The following FAT4 variants were observed in gnomAD, a reference collection of about 807,000 sequenced individuals.
FAT4 encodes FAT atypical cadherin 4.
A neutral mutation model predicts 303.9 loss-of-function variants in FAT4; 84 were observed. That is an observed-to-expected ratio of 0.28 (90% CI 0.23 to 0.33). The LOEUF (loss-of-function observed/expected upper bound fraction) is 0.33, where lower values mean the gene tolerates loss of function less well. Ranked by LOEUF, FAT4 falls within the 10% of genes least tolerant of loss-of-function variation. The pLI is 1.00. For synonymous variants in FAT4, 2,307 were observed against 2,298.8 expected, an observed-to-expected ratio of 1.00 and a Z score of -0.10; for missense variants, 6,005 against 6,146.8, an observed-to-expected ratio of 0.98 and a Z score of 0.77.
intron 2 of FAT4, among the ~76,000 whole-genome samples, chr4:125,392,581 T>C (rs1734014505): frequency 6.6e-6 from 1 of 152,194 alleles, no homozygotes; most frequent in Admixed American, 6.6e-5. Context: ...AGAATTTAAC[T>C]ATAGTTTCTT....
At chr4:125,411,452 A>G (rs1734837339) in intron 5 of FAT4, among the ~76,000 whole-genome samples, 1 of 151,858 alleles carries the variant, frequency 6.6e-6, no homozygotes, top group African/African-American at 2.4e-5. Flanking sequence ...TAATAATACA[A>G]TTGGAATTTT....
chr4:125,413,154 A>G (rs1734910716), intron 5 of FAT4, among the ~76,000 whole-genome samples: 1 of 151,748 alleles, frequency 6.6e-6, no homozygotes, highest in African/African-American at 2.4e-5. Context: ...GAAAGTCCTA[A>G]AAGCTTTATA....
chr4:125,434,742 C>T (rs527444359), intron 8 of FAT4, among the ~76,000 whole-genome samples: 1 of 152,308 alleles, frequency 6.6e-6, no homozygotes, highest in East Asian at 1.9e-4. Context: ...TACATGGTGA[C>T]TGAATGATCT....
intron 2 of FAT4, among the ~76,000 whole-genome samples, chr4:125,380,594 T>C (rs966484575): frequency 3.3e-5 from 5 of 152,200 alleles, no homozygotes; most frequent in African/African-American, 9.6e-5. Flanking sequence ...TTAAAAATTA[T>C]TATCTGATTT....
intron 11 of FAT4, among the ~76,000 whole-genome samples, chr4:125,466,806 G>T (rs979164181): frequency 7.0e-6 from 1 of 143,804 alleles, no homozygotes; most frequent in Non-Finnish European, 1.5e-5. Flanking sequence ...ACGGAGTCTC[G>T]CTCTGTCGCC....
chr4:125,408,002 C>T (rs1004957188), intron 4 of FAT4, among the ~76,000 whole-genome samples: 6 of 152,102 alleles, frequency 3.9e-5, no homozygotes, highest in African/African-American at 1.4e-4. Flanking sequence ...GAAATCCCAT[C>T]ACACTTATTT....
intron 12 of FAT4, among the ~76,000 whole-genome samples, chr4:125,474,792 G>A (rs1726972167): frequency 6.6e-6 from 1 of 151,928 alleles, no homozygotes. Flanking sequence ...ATAAAAGTAG[G>A]ATATTAAGGA....
intron 11 of FAT4, among the ~76,000 whole-genome samples, chr4:125,464,294 G>A (rs557499328): frequency 1.3e-5 from 2 of 152,062 alleles, no homozygotes; most frequent in South Asian, 4.2e-4. Context: ...TCACCCTAGT[G>A]GAATGAACTA....
chr4:125,326,785 G>C (rs1490819157), intron 2 of FAT4, among the ~76,000 whole-genome samples: 3 of 152,088 alleles, frequency 2.0e-5, no homozygotes, highest in African/African-American at 7.2e-5. Flanking sequence ...ACCTTAAATG[G>C]GAGGCCAAGG....
intron 8 of FAT4, among the ~76,000 whole-genome samples, chr4:125,441,187 T>A (rs1317310923): frequency 1.3e-5 from 2 of 152,142 alleles, no homozygotes; most frequent in Non-Finnish European, 2.9e-5. Context: ...CCATAAGAAG[T>A]GCAATTTAAT....
chr4:125,339,352 C>G (rs970824543), intron 2 of FAT4, among the ~76,000 whole-genome samples: 8 of 151,918 alleles, frequency 5.3e-5, no homozygotes, highest in African/African-American at 1.7e-4. Context: ...CATGCCACCA[C>G]GCCTGGCTAA....
At chr4:125,448,396 T>TA in intron 9 of FAT4, 65 bp from the exon 10 acceptor site, 1 of 1,444,104 alleles carries the variant, frequency 6.9e-7, no homozygotes, top group Non-Finnish European at 9.4e-7. Flanking sequence ...TATATGCACT[T>TA]ATCTGCTACC....
At chr4:125,371,093 A>G (rs1355764721) in intron 2 of FAT4, among the ~76,000 whole-genome samples, 2 of 148,400 alleles carry the variant, frequency 1.3e-5, no homozygotes, top group African/African-American at 4.9e-5. Flanking sequence ...GGTTGCAGTG[A>G]GCTGAGATCG....
At chr4:125,462,668 A>G (rs1017374093) in intron 10 of FAT4, among the ~76,000 whole-genome samples, 5 of 152,030 alleles carry the variant, frequency 3.3e-5, no homozygotes, top group Non-Finnish European at 5.9e-5. Context: ...AAACCTGGAT[A>G]TGGGAGCAGA....
chr4:125,330,355 G>A lies in FAT4; in HGVS notation c.5175+8769G>A, dbSNP rs548659215. ...TCTTCCTCTCCCATAAGGCTTACCA[G>A]CCTCCTTCACCAATTTCTACTTATC... On this transcript the variant is annotated intron_variant, in intron 2 of 17. Coordinates refer to ENST00000394329, the MANE Select transcript of FAT4 (RefSeq NM_001291303.3). Among the ~76,000 whole-genome samples, 14 of 152,228 alleles carry A rather than the reference G, an allele frequency of 9.2e-5. No homozygotes were observed. In the East Asian group the frequency reaches 2.7e-3, roughly 29 times the overall value.
intron 10 of FAT4, among the ~76,000 whole-genome samples, chr4:125,458,164 T>C (rs1368384240): frequency 6.6e-6 from 1 of 152,070 alleles, no homozygotes; most frequent in Non-Finnish European, 1.5e-5. Context: ...TTTGGAATAA[T>C]GCCGGGGGTT....
chr4:125,377,575 G>A (rs74702363), intron 2 of FAT4, among the ~76,000 whole-genome samples: 14,481 of 152,082 alleles, frequency 0.095, 1,034 homozygotes, highest in East Asian at 0.22. Flanking sequence ...ACATACTTGA[G>A]TGGTTATTCT....
intron 2 of FAT4, among the ~76,000 whole-genome samples, chr4:125,361,908 C>G (rs1469183610): frequency 6.6e-6 from 1 of 152,132 alleles, no homozygotes; most frequent in Non-Finnish European, 1.5e-5. Flanking sequence ...AGCAATGGGA[C>G]AAAATGACTA....
At chr4:125,411,028 C>T (rs1734817344) in intron 5 of FAT4, among the ~76,000 whole-genome samples, 1 of 152,002 alleles carries the variant, frequency 6.6e-6, no homozygotes, top group Non-Finnish European at 1.5e-5. Context: ...AGCTCAGTTA[C>T]ACAAAAGGGT....
Sources: gnomAD v4.1 joint callset for allele counts (sites outside exome capture counted in the v4.1 genomes callset) on GRCh38, gnomAD v4.1.1 for gene constraint, MANE v1.5 for transcripts, NCBI Gene and HGNC (gene_info 2026-07-23, HGNC 2026-07-21) for gene names.